Variants in HMGCS1 observed in about 807,000 individuals in gnomAD.
The protein encoded by HMGCS1 is hydroxymethylglutaryl-CoA synthase, cytoplasmic.
A neutral mutation model predicts 52.3 loss-of-function variants in HMGCS1; 9 were observed. That is an observed-to-expected ratio of 0.17 (90% confidence interval 0.10 to 0.30). The LOEUF (loss-of-function observed/expected upper bound fraction) is 0.30. Ranked by LOEUF, HMGCS1 falls within the 10% of genes least tolerant of loss-of-function variation. The pLI is 1.00. For missense variants in HMGCS1, 320 were observed against 620.9 expected, an observed-to-expected ratio of 0.52 and a Z score of 5.15; for synonymous variants, 176 against 214.4, an observed-to-expected ratio of 0.82 and a Z score of 1.57.
intron 1 of HMGCS1, among the ~76,000 whole-genome samples, chr5:43,310,960 T>C (rs1266697875): frequency 6.6e-6 from 1 of 152,160 alleles, no homozygotes; most frequent in African/African-American, 2.4e-5. Flanking sequence ...CCGCTACTGG[T>C]GTAACTACAC....
At chr5:43,296,880 G>T in intron 5 of HMGCS1, 122 bp downstream of exon 5, 1 of 684,240 alleles carries the variant, frequency 1.5e-6, no homozygotes. Flanking sequence ...GGTGAATGAG[G>T]AATTAATGGT....
At chr5:43,299,098 T>C (rs1471022505) in intron 2 of HMGCS1, 123 bp from the exon 3 acceptor site, 2 of 670,908 alleles carry the variant, frequency 3.0e-6, no homozygotes, top group Admixed American at 5.9e-5. Context: ...TTCTTTAAGT[T>C]TAGTATTTAG....
At chr5:43,296,338 A>G (rs1754031245) in intron 5 of HMGCS1, among the ~76,000 whole-genome samples, 1 of 152,182 alleles carries the variant, frequency 6.6e-6, no homozygotes, top group Admixed American at 6.5e-5. Flanking sequence ...GGGTCCTAAT[A>G]AAAAAGTTAG....
In HMGCS1 at chr5:43,297,859, A is replaced by G. The variant is rs1220397285; in HGVS notation, c.574+150T>C. Reference sequence around the variant, plus strand: ...GTCTCAAAAAAAAAAAAAAAGAAAAAAAAACATAAATATGATAACACACAT... The same window carrying G: ...GTCTCAAAAAAAAAAAAAAAGAAAAGAAAACATAAATATGATAACACACAT... On this transcript the variant is annotated intron_variant, in intron 4 of 10. Transcript: ENST00000325110. The G allele has an allele frequency of 9.7e-6, 6 of 617,914 alleles. No homozygotes were observed. In the East Asian group the frequency reaches 1.3e-4, roughly 14 times the overall value. 38.3% of individuals were successfully genotyped at this position (617,914 alleles called of 1,614,324 possible). A position where few individuals can be genotyped will look rare whatever the true frequency, so the allele number is the denominator to read the frequency against.
intron 4 of HMGCS1, among the ~76,000 whole-genome samples, chr5:43,297,367 G>A (rs1363656500): frequency 2.0e-5 from 3 of 152,136 alleles, no homozygotes; most frequent in Admixed American, 6.5e-5. Context: ...GACTCCTTTG[G>A]TATACAACTT....
At chr5:43,306,865 G>A (rs1165850914) in intron 2 of HMGCS1, among the ~76,000 whole-genome samples, 3 of 152,058 alleles carry the variant, frequency 2.0e-5, no homozygotes, top group African/African-American at 7.2e-5. Flanking sequence ...TTTGGCATAT[G>A]GTAGATGCTA....
chr5:43,311,095 C>T (rs528554064), intron 1 of HMGCS1, among the ~76,000 whole-genome samples: 11 of 152,170 alleles, frequency 7.2e-5, no homozygotes, highest in South Asian at 2.1e-4. Flanking sequence ...GAGGCCAAGG[C>T]GGACGGATCA....
intron 2 of HMGCS1, among the ~76,000 whole-genome samples, chr5:43,304,394 T>C (rs147101310): frequency 3.3e-5 from 5 of 152,380 alleles, no homozygotes; most frequent in African/African-American, 1.2e-4. Flanking sequence ...TTTGAAGGTA[T>C]AAACCAGTTT....
At chr5:43,300,724 G>A (rs1208987088) in intron 2 of HMGCS1, among the ~76,000 whole-genome samples, 1 of 151,260 alleles carries the variant, frequency 6.6e-6, no homozygotes, top group African/African-American at 2.4e-5. Flanking sequence ...GAGCCCAGGA[G>A]TACAAGGGTG....
Position 43,292,752 on chromosome 5 carries a change from C to T in HMGCS1, c.1309+96G>A. On this transcript the variant is annotated intron_variant, in intron 9 of 10. Coordinates refer to ENST00000325110, the MANE Select transcript of HMGCS1 (RefSeq NM_001098272.3). ...AATTTTCACTGACATCAGATTAGTA[C>T]TGAGTAAAGTCTTGATATCCTTATC... 2.0e-6 allele frequency: 3 copies of T among 1,510,260 alleles called. 1 individual carries two copies. The South Asian group carries it at 3.5e-5, about 17-fold the overall frequency. 93.6% of individuals were successfully genotyped at this position (1,510,260 alleles called of 1,614,324 possible). A position where few individuals can be genotyped will look rare whatever the true frequency, so the allele number is the denominator to read the frequency against.
Position 43,298,816 on chromosome 5 carries a change from G to T in HMGCS1, c.150C>A (p.Gly50=). The T allele has an allele frequency of 6.2e-7, 1 of 1,613,424 alleles. No homozygotes were observed. The highest frequency in any genetic ancestry group is 8.5e-7 in the Non-Finnish European group (1 of 1,179,794). The part of the protein sequence containing the change: ...DGVDAGKYTI[G]LGQAKMGFCT... ...AGAAGCCCATCTTGGCCTGGCCCAA[G>T]CCAATGGTATACTTTCCAGCATCTA... Residue 50 remains glycine, a synonymous_variant, in exon 3 of 11, where the codon GGC becomes GGA. Transcript: ENST00000325110. This position sits in a 1 kb window ranked among gnomAD's most constrained non-coding sequence, Gnocchi z 5.6.
At chr5:43,300,104 C>T (rs1189857855) in intron 2 of HMGCS1, among the ~76,000 whole-genome samples, 2 of 152,154 alleles carry the variant, frequency 1.3e-5, no homozygotes, top group African/African-American at 4.8e-5. Flanking sequence ...AAGAGAGGTA[C>T]CTTCTTCCCA....
chr5:43,299,011 G>T, intron 2 of HMGCS1, 36 bp from the exon 3 acceptor site: 1 of 1,479,290 alleles, frequency 6.8e-7, no homozygotes, highest in Non-Finnish European at 9.1e-7. Context: ...AATTGTTTTA[G>T]GTTATAAGTT....
rs369628974 is a variant in HMGCS1 at position 43,294,181 on chromosome 5, T to C, written c.1077-19A>G. ...TGAGTACCTATGTAGGGTGTAACAA[T>C]AGTTCAGAAGTTTAACTGATCCAAA... is the stretch of plus-strand genomic sequence containing the variant. On this transcript the variant is annotated intron_variant, in intron 7 of 10. Transcript: ENST00000325110. The C allele has an allele frequency of 2.8e-4, 411 of 1,485,524 alleles. No individual in the cohort carries two copies. The highest frequency in any genetic ancestry group is 3.7e-4 in the Non-Finnish European group (388 of 1,062,822). The allele number at this position is 1,485,524 out of a possible 1,614,324, so 92.0% of individuals were successfully genotyped here.
At position 43,298,994 on chromosome 5, in the gene HMGCS1, GA is replaced by G. The variant is rs753510846; in HGVS notation, c.-10-20del. On this transcript the variant is annotated intron_variant, in intron 2 of 10. Coordinates refer to ENST00000325110, the MANE Select transcript of HMGCS1 (RefSeq NM_001098272.3). This position sits in a 1 kb window ranked among gnomAD's most constrained non-coding sequence, Gnocchi z 5.6. ...GAAAGAGCTTTAGAAAGGAGAAACAGAAAAAAAATTGTTTTAGGTTATAAGT... is the reference window on the plus strand; with the variant it reads ...GAAAGAGCTTTAGAAAGGAGAAACAGAAAAAAATTGTTTTAGGTTATAAGT... The G allele has an allele frequency of 4.7e-4, 728 of 1,547,172 alleles. No homozygotes were observed. The highest frequency in any genetic ancestry group is 5.9e-4 in the Non-Finnish European group (684 of 1,150,374).
rs1342620931 is a variant in HMGCS1, at chr5:43,294,171, G to C, written c.1077-9C>G. ...ATTGCTGAGGTGAGTACCTATGTAG[G>C]GTGTAACAATAGTTCAGAAGTTTAA... On this transcript the variant is annotated splice_polypyrimidine_tract_variant and intron_variant, in intron 7 of 10. Transcript: ENST00000325110. The C allele has an allele frequency of 1.3e-6, 2 of 1,538,044 alleles. No individual in the cohort carries two copies. The highest frequency in any genetic ancestry group is 2.7e-5 in the African/African-American group (2 of 73,394).
chr5:43,301,942 C>A (rs1243217714), intron 2 of HMGCS1, among the ~76,000 whole-genome samples: 1 of 152,208 alleles, frequency 6.6e-6, no homozygotes, highest in Non-Finnish European at 1.5e-5. Context: ...AACAGAGATC[C>A]TCTCCACTTT....
intron 2 of HMGCS1, among the ~76,000 whole-genome samples, chr5:43,306,926 C>T (rs149570482): frequency 2.2e-4 from 34 of 152,130 alleles, no homozygotes; most frequent in South Asian, 6.2e-4. Context: ...GTCATTAACA[C>T]CCATAGGAAA....
rs1189282757 is a variant in HMGCS1, at chr5:43,288,443, T to G, written c.*2688A>C. On this transcript the variant is annotated 3_prime_UTR_variant, in exon 11 of 11. Transcript: ENST00000325110. ...GCTCTGTTGACTGCCACTTCAGTGT[T>G]TCTTTCAGGACACTCCAAACAGCAG... The G allele has an allele frequency of 6.6e-6, 1 of 152,204 alleles. No homozygotes were observed. Among genetic ancestry groups the G allele is most frequent in the Non-Finnish European group, 1.5e-5 (1 of 68,046 alleles). The allele number at this position is 152,204 out of a possible 1,614,324, so 9.4% of individuals were successfully genotyped here. A position where few individuals can be genotyped will look rare whatever the true frequency, so the allele number is the denominator to read the frequency against.
Sources: allele counts gnomAD v4.1 joint callset (sites outside exome capture counted in the v4.1 genomes callset), GRCh38; gene constraint gnomAD v4.1.1; non-coding constraint Gnocchi (gnomAD v3.1); transcripts MANE v1.5; gene names NCBI Gene and HGNC (gene_info 2026-07-23, HGNC 2026-07-21).